PPFIA1: variants seen among roughly 807,000 people sequenced by gnomAD.
The protein encoded by PPFIA1 is PPFI scaffold protein A1, also known as liprin-alpha-1.
Under a neutral mutation model 149.9 loss-of-function variants are expected in PPFIA1, and 25 were observed. The ratio of observed to expected loss-of-function variants is 0.17; its 90% CI spans 0.12 to 0.23. The LOEUF is 0.23. PPFIA1 is among the 10% of genes least tolerant of loss of function. PPFIA1 has a pLI of 1.00. For synonymous variants in PPFIA1, 549 were observed against 552.8 expected (o/e 0.99, Z 0.10); for missense variants, 1,362 against 1,506.5 (o/e 0.90, Z 1.59).
chr11:70,370,275 T>C (rs2057164913), intron 21 of PPFIA1, among the ~76,000 whole-genome samples: 1 of 152,170 alleles, frequency 6.6e-6, no homozygotes, highest in Non-Finnish European at 1.5e-5. Context: ...TAGATTTTCA[T>C]TTCACTGGTT....
intron 2 of PPFIA1, among the ~76,000 whole-genome samples, chr11:70,308,432 G>C (rs1209659654): frequency 6.6e-6 from 1 of 152,008 alleles, no homozygotes; most frequent in Non-Finnish European, 1.5e-5. Context: ...TGATTTTTTG[G>C]CACATGCATA....
chr11:70,279,169 G>C (rs192041322), intron 2 of PPFIA1: 1 of 482,876 alleles, frequency 2.1e-6, no homozygotes, highest in Non-Finnish European at 3.9e-6. Flanking sequence ...ACACGTCCAG[G>C]ACTGATTGTC....
intron 19 of PPFIA1, among the ~76,000 whole-genome samples, chr11:70,361,634 G>A (rs976002957): frequency 6.7e-6 from 1 of 148,392 alleles, no homozygotes; most frequent in Non-Finnish European, 1.5e-5. Flanking sequence ...TTTTTTTTTA[G>A]AGATAGGGTC....
At chr11:70,311,051 G>C (rs2053233195) in intron 2 of PPFIA1, among the ~76,000 whole-genome samples, 1 of 152,192 alleles carries the variant, frequency 6.6e-6, no homozygotes, top group Non-Finnish European at 1.5e-5. Context: ...ATTTTTGTTA[G>C]CAAAGATAAA....
intron 21 of PPFIA1, among the ~76,000 whole-genome samples, chr11:70,363,809 C>T (rs1591352406): frequency 6.6e-6 from 1 of 152,078 alleles, no homozygotes; most frequent in East Asian, 1.9e-4. Flanking sequence ...CCACCATGCC[C>T]AGCCAGAAGC....
intron 10 of PPFIA1, 139 bp downstream of exon 10, chr11:70,333,692 G>T: frequency 1.4e-6 from 1 of 698,996 alleles, no homozygotes; most frequent in East Asian, 2.7e-5. Flanking sequence ...CATTTGTTTT[G>T]CACCCTCATC....
At chr11:70,311,360 A>G (rs1237649271) in intron 2 of PPFIA1, among the ~76,000 whole-genome samples, 1 of 152,122 alleles carries the variant, frequency 6.6e-6, no homozygotes, top group Non-Finnish European at 1.5e-5. Context: ...AAATCCAGAA[A>G]GTTGTCCATA....
intron 5 of PPFIA1, among the ~76,000 whole-genome samples, chr11:70,325,825 C>T (rs369598348): frequency 4.0e-5 from 6 of 150,846 alleles, no homozygotes; most frequent in South Asian, 2.1e-4. Context: ...CCCAGCTGCT[C>T]GGGAGGCTGA....
intron 2 of PPFIA1, among the ~76,000 whole-genome samples, chr11:70,291,073 C>T (rs957689242): frequency 3.3e-5 from 5 of 152,000 alleles, no homozygotes; most frequent in African/African-American, 9.7e-5. Context: ...TTAGTAGAGA[C>T]GGGGTTTCTC....
chr11:70,296,182 C>T (rs936845682), intron 2 of PPFIA1, among the ~76,000 whole-genome samples: 4 of 151,806 alleles, frequency 2.6e-5, no homozygotes, highest in African/African-American at 9.7e-5. Flanking sequence ...GGCAGAGACG[C>T]TCCTCACTTT....
Position 70,300,952 on chromosome 11 carries a change from C to T in PPFIA1, c.265-23450C>T, listed in dbSNP as rs1212601283. Among the ~76,000 whole-genome samples the T allele has an allele frequency of 2.6e-5, 4 of 152,340 alleles. No homozygotes were observed. The East Asian group carries it at 7.7e-4, about 29-fold the overall frequency. On this transcript the variant is annotated intron_variant, in intron 2 of 27. Coordinates refer to ENST00000253925, the MANE Select transcript of PPFIA1 (RefSeq NM_003626.5). ...AAGATACCCTGGGAGGTGAGGCCAG[C>T]ATGATTCTCTCCATTTAAGGTCATG...
chr11:70,272,119 G>A, intron 1 of PPFIA1, 54 bp from the exon 2 acceptor site: 1 of 1,558,654 alleles, frequency 6.4e-7, no homozygotes. Context: ...TTGCATATTT[G>A]TGGGAACCTG....
intron 23 of PPFIA1, 25 bp downstream of exon 23, chr11:70,372,599 T>G (rs749454645): frequency 8.3e-6 from 13 of 1,559,572 alleles, no homozygotes; most frequent in Non-Finnish European, 1.1e-5. Flanking sequence ...TTTAATTGAT[T>G]CGGTTTACTC....
At chr11:70,308,914 C>T (rs2053068182) in intron 2 of PPFIA1, among the ~76,000 whole-genome samples, 1 of 152,132 alleles carries the variant, frequency 6.6e-6, no homozygotes. Flanking sequence ...CAGGGCGAGA[C>T]TCTCTCGAAG....
rs1310059797 is a variant in PPFIA1, at chr11:70,378,052, G to A, written c.3407G>A (p.Arg1136Lys). Residue 1136 changes from arginine (R) to lysine (K), a missense_variant, in exon 26 of 28, where the codon AGA becomes AAA. Arg to Lys is a conservative substitution (Grantham distance 26, BLOSUM62 2). Around this residue, in one of 7 missense-constraint regions of PPFIA1, gnomAD observed 349 missense variants for 373.3 expected, o/e 0.93. Coordinates refer to ENST00000253925, the MANE Select transcript of PPFIA1 (RefSeq NM_003626.5). ...FDEDDDKSFRRAPSWRKKFRP... is the reference protein window; with the variant it reads ...FDEDDDKSFRKAPSWRKKFRP... Reference sequence around the variant, plus strand: ...CAGGATGATGATAAAAGCTTTAGGAGAGCACCTTCATGGAGAAAAAAGTTT... The same window carrying A: ...CAGGATGATGATAAAAGCTTTAGGAAAGCACCTTCATGGAGAAAAAAGTTT... 5.0e-6 allele frequency: 8 copies of A among 1,612,564 alleles called. No homozygotes were observed. The Admixed American group carries it at 1.3e-4, about 27-fold the overall frequency.
At chr11:70,352,031 G>A (rs2056084059) in intron 16 of PPFIA1, among the ~76,000 whole-genome samples, 1 of 152,210 alleles carries the variant, frequency 6.6e-6, no homozygotes, top group African/African-American at 2.4e-5. Flanking sequence ...GCTCTGGTCT[G>A]TATTCTGTGC....
intron 2 of PPFIA1, among the ~76,000 whole-genome samples, chr11:70,291,358 A>AGTGTG (rs1266961100): frequency 1.3e-5 from 2 of 152,236 alleles, no homozygotes; most frequent in Admixed American, 6.5e-5. Flanking sequence ...TAATTTGAAT[A>AGTGTG]GTGTGACGTG....
chr11:70,302,437 A>G (rs999510299), intron 2 of PPFIA1, among the ~76,000 whole-genome samples: 1 of 152,144 alleles, frequency 6.6e-6, no homozygotes, highest in African/African-American at 2.4e-5. Context: ...GAGGATGGAG[A>G]TGGGCAGTGG....
At chr11:70,272,625 C>T (rs1591002018) in intron 2 of PPFIA1, among the ~76,000 whole-genome samples, 189 bp downstream of exon 2, 2 of 152,176 alleles carry the variant, frequency 1.3e-5, no homozygotes, top group East Asian at 1.9e-4. Flanking sequence ...AATCGTTGTA[C>T]TCTAAAGTCA....
Sources: allele counts gnomAD v4.1 joint callset (sites outside exome capture counted in the v4.1 genomes callset), GRCh38; gene constraint gnomAD v4.1.1; regional missense constraint gnomAD v4.1.1; transcripts MANE v1.5; gene names NCBI Gene and HGNC (gene_info 2026-07-23, HGNC 2026-07-21).